Variants in ZFAT observed in about 807,000 individuals in gnomAD.
ZFAT encodes the protein zinc finger protein ZFAT.
In ZFAT, 64 loss-of-function variants were observed where a neutral mutation model predicts 117.7. That is an observed-to-expected ratio of 0.54 (90% confidence interval 0.44 to 0.67). The LOEUF (loss-of-function observed/expected upper bound fraction) is 0.67. Among genes scored for constraint, ZFAT ranks in the 30% least tolerant of loss-of-function variants. The pLI is 0.00. For synonymous variants in ZFAT, 679 were observed against 615.0 expected (o/e 1.10, Z -1.54); for missense variants, 1,433 against 1,584.5 (o/e 0.90, Z 1.62).
the ZFAT span, among the ~76,000 whole-genome samples, chr8:134,769,570 G>C: frequency 2.6e-5 from 4 of 152,152 alleles, no homozygotes; most frequent in Non-Finnish European, 4.4e-5. Flanking sequence ...AGCTTTTCCA[G>C]GTGCATGGTG....
chr8:134,608,712 A>G lies in ZFAT; in HGVS notation c.785+17T>C. ...ATGCAACCTCTGGCTGAAGTTACAC[A>G]GAACAAAACACTTTACCTGCTTGAC... On this transcript the variant is annotated intron_variant, in intron 5 of 15. Transcript: ENST00000377838. The G allele has an allele frequency of 1.2e-6, 2 of 1,604,790 alleles. No homozygotes were observed. Among genetic ancestry groups the G allele is most frequent in the Non-Finnish European group, 1.7e-6 (2 of 1,176,508 alleles).
At chr8:134,510,595 AAT>A in intron 14 of ZFAT, 2 of 163,234 alleles carry the variant, frequency 1.2e-5, no homozygotes, top group Admixed American at 5.9e-5. Context: ...TTATATTCAC[AAT>A]GCATCGCCGG....
Position 134,482,162 on chromosome 8 carries a change from C to T in ZFAT, c.3493-3441G>A, listed in dbSNP as rs58952427. Among the ~76,000 whole-genome samples the T allele has an allele frequency of 9.0e-3, 1,363 of 152,286 alleles. 15 individuals carry two copies. Among genetic ancestry groups the T allele is most frequent in the African/African-American group, 0.031 (1,286 of 41,558 alleles). On this transcript the variant is annotated intron_variant, in intron 15 of 15. Transcript: ENST00000377838. ...AGGATTCCTGGGTCTCCCACCTTGA[C>T]TTCTTCTCTGACCCCCCGGGCACTT...
the ZFAT span, among the ~76,000 whole-genome samples, chr8:134,754,238 A>G: frequency 5.7e-4 from 87 of 152,342 alleles, 1 homozygote; most frequent in African/African-American, 2.0e-3. Context: ...AACCTAAACC[A>G]TCAGATGATG....
intron 1 of ZFAT, among the ~76,000 whole-genome samples, chr8:134,663,945 G>A (rs1350228098): frequency 1.3e-5 from 2 of 152,178 alleles, no homozygotes; most frequent in Admixed American, 6.5e-5. Flanking sequence ...TTCAACTAAT[G>A]AGGAAGCTGA....
the ZFAT span, among the ~76,000 whole-genome samples, chr8:134,764,516 T>C: frequency 1.3e-5 from 2 of 152,252 alleles, no homozygotes; most frequent in African/African-American, 4.8e-5. Context: ...AGGTTCCATG[T>C]GGTTTTCCTG....
chr8:134,541,855 A>G (rs2130633702), intron 11 of ZFAT, among the ~76,000 whole-genome samples: 1 of 152,374 alleles, frequency 6.6e-6, no homozygotes, highest in South Asian at 2.1e-4. Flanking sequence ...GTATCGGCTG[A>G]GTATCTACTA....
chr8:134,629,717 T>C (rs545881419), intron 3 of ZFAT, among the ~76,000 whole-genome samples: 2 of 152,334 alleles, frequency 1.3e-5, no homozygotes, highest in South Asian at 4.1e-4. Context: ...TCTGCAATGA[T>C]TGTAAGTTTC....
intron 10 of ZFAT, among the ~76,000 whole-genome samples, chr8:134,575,145 C>A (rs2130812059): frequency 6.6e-6 from 1 of 152,228 alleles, no homozygotes; most frequent in South Asian, 2.1e-4. Context: ...TTCCTGCAAC[C>A]CCATGCTGTG....
At chr8:134,582,476 G>A (rs1420707401) in intron 10 of ZFAT, among the ~76,000 whole-genome samples, 5 of 152,240 alleles carry the variant, frequency 3.3e-5, no homozygotes, top group Admixed American at 1.3e-4. Context: ...TCAGGCAGCT[G>A]AGCGGTCAGT....
At position 134,491,863 on chromosome 8, in the gene ZFAT, C is replaced by T. The variant is rs112395858; in HGVS notation, c.3493-13142G>A. Among the ~76,000 whole-genome samples the T allele has an allele frequency of 3.3e-5, 5 of 152,328 alleles. No homozygotes were observed. In the East Asian group the frequency reaches 5.8e-4, roughly 18 times the overall value. On this transcript the variant is annotated intron_variant, in intron 15 of 15. Coordinates refer to ENST00000377838, the MANE Select transcript of ZFAT (RefSeq NM_020863.4). Reference sequence around the variant, plus strand: ...TATTTGTAGGTTCTGTGGATGAGGACGTGGACATCTCTGGGGCACCACTGT... The same window carrying T: ...TATTTGTAGGTTCTGTGGATGAGGATGTGGACATCTCTGGGGCACCACTGT...
chr8:134,612,152 T>G (rs955151503), intron 3 of ZFAT, among the ~76,000 whole-genome samples: 6 of 152,234 alleles, frequency 3.9e-5, no homozygotes, highest in Admixed American at 2.0e-4. Flanking sequence ...CAAAATTCAC[T>G]TCCTCAGAAC....
chr8:134,739,414 A>C, the ZFAT span, among the ~76,000 whole-genome samples: 3 of 152,154 alleles, frequency 2.0e-5, no homozygotes, highest in Admixed American at 2.0e-4. Flanking sequence ...GAGAAGAACC[A>C]GGATTTGGAA....
At chr8:134,703,988 A>T (rs1834082002) in intron 1 of ZFAT, among the ~76,000 whole-genome samples, 1 of 152,180 alleles carries the variant, frequency 6.6e-6, no homozygotes, top group Non-Finnish European at 1.5e-5. Flanking sequence ...AAACTCTACG[A>T]GCATGCTACC....
At chr8:134,481,816 G>T (rs150368997) in intron 15 of ZFAT, among the ~76,000 whole-genome samples, 8 of 152,176 alleles carry the variant, frequency 5.3e-5, no homozygotes, top group Non-Finnish European at 1.0e-4. Context: ...CAGCAGCAGC[G>T]CCTGGGACCA....
chr8:134,524,682 C>T (rs750970494), intron 12 of ZFAT, among the ~76,000 whole-genome samples: 18 of 152,252 alleles, frequency 1.2e-4, no homozygotes, highest in African/African-American at 1.9e-4. Flanking sequence ...GGCCTGGCCC[C>T]GATTGTAAGC....
intron 11 of ZFAT, among the ~76,000 whole-genome samples, chr8:134,533,475 G>T (rs10106924): frequency 0.74 from 112,715 of 152,174 alleles, 41,933 homozygotes; most frequent in African/African-American, 0.81. Context: ...ACCTTCTACA[G>T]CTGTGTAAGT....
intron 15 of ZFAT, among the ~76,000 whole-genome samples, chr8:134,490,976 C>T (rs888912546): frequency 6.6e-6 from 1 of 152,200 alleles, no homozygotes; most frequent in Non-Finnish European, 1.5e-5. Flanking sequence ...AACCCTCCAT[C>T]CCTTGTAGAG....
At chr8:134,487,424 C>T (rs1227982638) in intron 15 of ZFAT, among the ~76,000 whole-genome samples, 1 of 152,152 alleles carries the variant, frequency 6.6e-6, no homozygotes, top group East Asian at 1.9e-4. Context: ...CCCATCGCAT[C>T]CCTTTGAGAA....
Sources: allele counts gnomAD v4.1 joint callset (sites outside exome capture counted in the v4.1 genomes callset), GRCh38; gene constraint gnomAD v4.1.1; transcripts MANE v1.5; gene names NCBI Gene and HGNC (gene_info 2026-07-23, HGNC 2026-07-21).